RSPO2: variants seen among roughly 807,000 people sequenced by gnomAD.
RSPO2 encodes the protein R-spondin 2.
In RSPO2, 14 loss-of-function variants were observed where a neutral mutation model predicts 30.9. The ratio of observed to expected loss-of-function variants is 0.45; its 90% CI spans 0.30 to 0.71. The LOEUF (loss-of-function observed/expected upper bound fraction) is 0.71, where lower values mean the gene tolerates loss of function less well. RSPO2 is among the 30% of genes least tolerant of loss of function. The probability of loss-of-function intolerance (pLI) is 0.08; values close to 1 mark genes in which losing one functional copy is unlikely to be tolerated. For synonymous variants in RSPO2, 107 were observed against 96.4 expected (o/e 1.11, Z -0.64); for missense variants, 264 against 301.9 (o/e 0.87, Z 0.93).
At chr8:108,004,910 C>A (rs570165160) in intron 2 of RSPO2, among the ~76,000 whole-genome samples, 1 of 152,242 alleles carries the variant, frequency 6.6e-6, no homozygotes, top group East Asian at 1.9e-4. Flanking sequence ...TATAATTATG[C>A]CAACAATGTC....
chr8:108,029,150 T>C (rs1485818979), intron 2 of RSPO2, among the ~76,000 whole-genome samples: 1 of 126,962 alleles, frequency 7.9e-6, no homozygotes, highest in East Asian at 2.7e-4. Context: ...ACCAGCCAAA[T>C]CCAGCCCACC....
intron 3 of RSPO2, among the ~76,000 whole-genome samples, chr8:107,973,232 T>C (rs1056980813): frequency 6.6e-6 from 1 of 150,644 alleles, no homozygotes; most frequent in Non-Finnish European, 1.5e-5. Flanking sequence ...ATCACGCCAC[T>C]GCACTCCAGC....
chr8:107,918,860 T>C (rs1812063384), intron 5 of RSPO2, among the ~76,000 whole-genome samples: 1 of 152,158 alleles, frequency 6.6e-6, no homozygotes, highest in South Asian at 2.1e-4. Context: ...GAAAAAAATA[T>C]ACTTCAAAAG....
chr8:107,928,517 TA>T (rs1461357213), intron 5 of RSPO2, among the ~76,000 whole-genome samples: 2 of 152,146 alleles, frequency 1.3e-5, no homozygotes, highest in Non-Finnish European at 2.9e-5. Flanking sequence ...TTAGATTACA[TA>T]AAAGTAACAG....
chr8:108,030,830 T>C (rs2130633882), intron 2 of RSPO2, among the ~76,000 whole-genome samples: 1 of 152,318 alleles, frequency 6.6e-6, no homozygotes, highest in East Asian at 1.9e-4. Context: ...TTTTCTTATA[T>C]TTCTGTTAAT....
chr8:108,008,255 C>T (rs550870826), intron 2 of RSPO2, among the ~76,000 whole-genome samples: 1 of 152,234 alleles, frequency 6.6e-6, no homozygotes, highest in South Asian at 2.1e-4. Flanking sequence ...AAATTTCTTG[C>T]TTTTTTTCTA....
At chr8:107,914,148 T>C (rs550911011) in intron 5 of RSPO2, among the ~76,000 whole-genome samples, 8 of 152,254 alleles carry the variant, frequency 5.3e-5, no homozygotes, top group South Asian at 2.1e-4. Context: ...CAGTGACTTA[T>C]GATGAATACA....
chr8:108,040,161 C>A (rs1811708801), intron 2 of RSPO2, among the ~76,000 whole-genome samples: 1 of 152,052 alleles, frequency 6.6e-6, no homozygotes, highest in Admixed American at 6.6e-5. Flanking sequence ...AAAAATAATA[C>A]TAAACACCCA....
chr8:107,910,609 C>T (rs1044457891), intron 5 of RSPO2, among the ~76,000 whole-genome samples: 1 of 152,170 alleles, frequency 6.6e-6, no homozygotes, highest in African/African-American at 2.4e-5. Context: ...ACACAGTTAA[C>T]ACAAGATAAT....
At chr8:107,914,707 G>C (rs911484031) in intron 5 of RSPO2, among the ~76,000 whole-genome samples, 1 of 152,042 alleles carries the variant, frequency 6.6e-6, no homozygotes, top group African/African-American at 2.4e-5. Context: ...AAATCAGAAG[G>C]AATTAATGAA....
chr8:108,011,277 C>T (rs1810704075), intron 2 of RSPO2, among the ~76,000 whole-genome samples: 1 of 151,702 alleles, frequency 6.6e-6, no homozygotes, highest in Non-Finnish European at 1.5e-5. Flanking sequence ...CTTGGTTGTG[C>T]CCATAGGTAT....
intron 2 of RSPO2, among the ~76,000 whole-genome samples, chr8:108,017,030 T>A (rs538074355): frequency 6.6e-6 from 1 of 152,054 alleles, no homozygotes; most frequent in East Asian, 1.9e-4. Flanking sequence ...TTTTTCTTTT[T>A]TTTTGAGACA....
intron 2 of RSPO2, among the ~76,000 whole-genome samples, chr8:108,035,355 A>G (rs1040882098): frequency 6.6e-5 from 10 of 152,236 alleles, no homozygotes; most frequent in Admixed American, 1.3e-4. Context: ...GTATGAATTC[A>G]TAGTAACACA....
intron 2 of RSPO2, among the ~76,000 whole-genome samples, chr8:108,043,358 G>T (rs997281884): frequency 1.3e-5 from 2 of 152,118 alleles, no homozygotes; most frequent in African/African-American, 4.8e-5. Context: ...CTCAGTGAGA[G>T]GCACTGGTCT....
intron 2 of RSPO2, among the ~76,000 whole-genome samples, chr8:108,033,125 T>C (rs1811480942): frequency 6.6e-6 from 1 of 150,666 alleles, no homozygotes; most frequent in Non-Finnish European, 1.5e-5. Flanking sequence ...GGTCTCGAAC[T>C]TCTGGCCTCA....
At chr8:108,047,869 A>AAGCAGC (rs1016429911) in intron 2 of RSPO2, among the ~76,000 whole-genome samples, 2 of 151,686 alleles carry the variant, frequency 1.3e-5, no homozygotes, top group African/African-American at 2.4e-5. Flanking sequence ...AAAAAAAAAA[A>AAGCAGC]AGCAGCAGCA....
intron 2 of RSPO2, among the ~76,000 whole-genome samples, chr8:108,021,372 A>C (rs1586634376): frequency 6.6e-6 from 1 of 152,306 alleles, no homozygotes; most frequent in East Asian, 1.9e-4. Flanking sequence ...GGTATCAGTG[A>C]CCTAAGTAGA....
At chr8:108,066,933 C>G (rs762185517) in intron 2 of RSPO2, among the ~76,000 whole-genome samples, 1 of 152,102 alleles carries the variant, frequency 6.6e-6, no homozygotes, top group Non-Finnish European at 1.5e-5. Context: ...ATATGAAGCA[C>G]TCAGTATCAC....
intron 5 of RSPO2, among the ~76,000 whole-genome samples, chr8:107,936,639 T>A (rs1226522749): frequency 6.6e-6 from 1 of 152,212 alleles, no homozygotes; most frequent in Non-Finnish European, 1.5e-5. Context: ...GTCTTTTTAA[T>A]AATAACCTTT....
Sources: gnomAD v4.1 joint callset for allele counts (sites outside exome capture counted in the v4.1 genomes callset) on GRCh38, gnomAD v4.1.1 for gene constraint, MANE v1.5 for transcripts, NCBI Gene and HGNC (gene_info 2026-07-23, HGNC 2026-07-21) for gene names.